TMEM196: variants seen among roughly 807,000 people sequenced by gnomAD.
The protein encoded by TMEM196 is transmembrane protein 196.
Under a neutral mutation model 20.0 loss-of-function variants are expected in TMEM196, and 17 were observed. The ratio of observed to expected loss-of-function variants is 0.85; its 90% confidence interval spans 0.58 to 1.27. The LOEUF (loss-of-function observed/expected upper bound fraction) is 1.27. TMEM196 is among the 50% of genes most tolerant of loss of function. The pLI, the probability that TMEM196 is intolerant of heterozygous loss-of-function variation, is 0.00. For synonymous variants in TMEM196, 113 were observed against 88.9 expected (o/e 1.27, Z -1.52); for missense variants, 267 against 223.0 (o/e 1.20, Z -1.26).
intron 1 of TMEM196, among the ~76,000 whole-genome samples, chr7:19,751,657 T>G (rs1208864457): frequency 6.6e-6 from 1 of 152,232 alleles, no homozygotes; most frequent in African/African-American, 2.4e-5. Flanking sequence ...AAACTATAAA[T>G]AAATGGAGCT....
At chr7:19,732,094 C>A (rs1296908504) in intron 1 of TMEM196, among the ~76,000 whole-genome samples, 1 of 152,124 alleles carries the variant, frequency 6.6e-6, no homozygotes, top group Non-Finnish European at 1.5e-5. Flanking sequence ...CATTGGCTAT[C>A]TTTATTTACC....
intron 1 of TMEM196, among the ~76,000 whole-genome samples, chr7:19,763,882 T>C (rs952218914): frequency 2.2e-4 from 33 of 152,252 alleles, no homozygotes; most frequent in Middle Eastern, 3.4e-3. Context: ...TGCAGATGAA[T>C]TAACTGATTG....
At chr7:19,723,216 T>A (rs1783869889) in intron 4 of TMEM196, among the ~76,000 whole-genome samples, 1 of 152,136 alleles carries the variant, frequency 6.6e-6, no homozygotes, top group Admixed American at 6.6e-5. Flanking sequence ...AAATCTGATT[T>A]GAGGCTTCAT....
chr7:19,727,838 A>G (rs74637506), intron 2 of TMEM196, among the ~76,000 whole-genome samples: 102 of 152,310 alleles, frequency 6.7e-4, no homozygotes, highest in African/African-American at 2.3e-3. Flanking sequence ...TCCAGGAATT[A>G]AAATGTTTAA....
At chr7:19,734,064 G>C (rs1194547518) in intron 1 of TMEM196, among the ~76,000 whole-genome samples, 2 of 151,936 alleles carry the variant, frequency 1.3e-5, no homozygotes. Context: ...CTGAAGGTGG[G>C]GCACTCACAT....
intron 1 of TMEM196, among the ~76,000 whole-genome samples, chr7:19,765,636 T>C (rs2128039581): frequency 6.6e-6 from 1 of 152,306 alleles, no homozygotes; most frequent in African/African-American, 2.4e-5. Context: ...GCCTAATTTA[T>C]ATAATTATCT....
rs906121890 is a variant in TMEM196, at chr7:19,721,634, T to A, written c.*494A>T. The A allele has an allele frequency of 6.6e-6, 1 of 152,494 alleles. No individual in the cohort carries two copies. Among genetic ancestry groups the A allele is most frequent in the Non-Finnish European group, 1.5e-5 (1 of 68,230 alleles). The allele number at this position is 152,494 out of a possible 1,614,324, so 9.4% of individuals were successfully genotyped here. A position where few individuals can be genotyped will look rare whatever the true frequency, so the allele number is the denominator to read the frequency against. ...TTTTATAACAAGGCATTACTGAGGT[T>A]TTGAATTGTAGCATCCTTGAAGCCA... On this transcript the variant is annotated 3_prime_UTR_variant, in exon 5 of 5. Coordinates refer to ENST00000405844, the MANE Select transcript of TMEM196 (RefSeq NM_001363562.2).
At chr7:19,750,688 A>T (rs957984614) in intron 1 of TMEM196, among the ~76,000 whole-genome samples, 2 of 152,170 alleles carry the variant, frequency 1.3e-5, no homozygotes, top group African/African-American at 4.8e-5. Context: ...AGTACCATTC[A>T]TTATGCAATT....
intron 2 of TMEM196, among the ~76,000 whole-genome samples, chr7:19,728,501 C>T (rs1320773337): frequency 2.0e-5 from 3 of 152,094 alleles, no homozygotes; most frequent in East Asian, 1.9e-4. Context: ...GATGTTCTCA[C>T]GAAGAAAGAT....
chr7:19,744,291 C>G (rs534549920), intron 1 of TMEM196, among the ~76,000 whole-genome samples: 12 of 152,098 alleles, frequency 7.9e-5, no homozygotes, highest in African/African-American at 2.7e-4. Context: ...TTTCTTAGGC[C>G]TGTGCAGTTG....
chr7:19,723,238 C>G (rs1379091431), intron 4 of TMEM196, among the ~76,000 whole-genome samples: 1 of 152,004 alleles, frequency 6.6e-6, no homozygotes, highest in Non-Finnish European at 1.5e-5. Context: ...GAGGAACTCA[C>G]CATTGATGGC....
chr7:19,738,728 A>G (rs184432727), intron 1 of TMEM196, among the ~76,000 whole-genome samples: 40 of 152,264 alleles, frequency 2.6e-4, no homozygotes, highest in East Asian at 9.6e-4. Context: ...GCATGGGATT[A>G]TGACCCAATG....
At chr7:19,722,623 A>T (rs192415677) in intron 4 of TMEM196, among the ~76,000 whole-genome samples, 1 of 152,270 alleles carries the variant, frequency 6.6e-6, no homozygotes, top group Admixed American at 6.5e-5. Flanking sequence ...GATCACTAAA[A>T]AATCATAGTG....
At chr7:19,758,902 T>C (rs1361533053) in intron 1 of TMEM196, among the ~76,000 whole-genome samples, 8 of 152,272 alleles carry the variant, frequency 5.3e-5, no homozygotes, top group African/African-American at 1.9e-4. Flanking sequence ...TCTCTCTTTT[T>C]TTACAGTAGA....
chr7:19,768,904 G>T (rs891182440), intron 1 of TMEM196, among the ~76,000 whole-genome samples: 1 of 151,978 alleles, frequency 6.6e-6, no homozygotes, highest in Non-Finnish European at 1.5e-5. Flanking sequence ...TTATTTTTAA[G>T]CCATCTTTCA....
intron 1 of TMEM196, among the ~76,000 whole-genome samples, chr7:19,739,897 T>C (rs1268842464): frequency 6.6e-6 from 1 of 152,168 alleles, no homozygotes; most frequent in Non-Finnish European, 1.5e-5. Flanking sequence ...ACAATGCTTA[T>C]AGATAAATTG....
intron 1 of TMEM196, among the ~76,000 whole-genome samples, chr7:19,771,271 A>T (rs1399017365): frequency 1.3e-5 from 2 of 152,182 alleles, no homozygotes; most frequent in African/African-American, 4.8e-5. Flanking sequence ...TTGGAGGCTG[A>T]TAGTAACTTA....
chr7:19,726,218 C>A (rs1245948556), intron 2 of TMEM196, among the ~76,000 whole-genome samples: 1 of 152,142 alleles, frequency 6.6e-6, no homozygotes, highest in East Asian at 1.9e-4. Context: ...ATAGCTAACA[C>A]TAAATTTAGG....
rs995255453 is a variant in TMEM196, at chr7:19,720,535, T to G, written c.*1593A>C. 3.9e-5 allele frequency: 6 copies of G among 151,996 alleles called. No homozygotes were observed. The highest frequency in any genetic ancestry group is 1.4e-4 in the African/African-American group (6 of 41,438). The allele number at this position is 151,996 out of a possible 1,614,324, so 9.4% of individuals were successfully genotyped here. On this transcript the variant is annotated 3_prime_UTR_variant, in exon 5 of 5. Coordinates refer to ENST00000405844, the MANE Select transcript of TMEM196 (RefSeq NM_001363562.2). Reference sequence around the variant, plus strand: ...TTAGATTTGAGGAAAAAGAAAAGTATACAATATAGTGAGAGTTATGTATTT... The same window carrying G: ...TTAGATTTGAGGAAAAAGAAAAGTAGACAATATAGTGAGAGTTATGTATTT...
Sources: allele counts gnomAD v4.1 joint callset (sites outside exome capture counted in the v4.1 genomes callset), GRCh38; gene constraint gnomAD v4.1.1; transcripts MANE v1.5; gene names NCBI Gene and HGNC (gene_info 2026-07-23, HGNC 2026-07-21).